CLVS1: variants seen among roughly 807,000 people sequenced by gnomAD.
The protein encoded by CLVS1 is clavesin-1.
A neutral mutation model predicts 33.1 loss-of-function variants in CLVS1; 10 were observed. That is an observed-to-expected ratio of 0.30 (90% CI 0.19 to 0.51). The LOEUF (loss-of-function observed/expected upper bound fraction) is 0.51, where lower values mean the gene tolerates loss of function less well. CLVS1 is among the 20% of genes least tolerant of loss of function. The pLI, the probability that CLVS1 is intolerant of heterozygous loss-of-function variation, is 0.97. For missense variants in CLVS1, 343 were observed against 433.4 expected (o/e 0.79, Z 1.85); for synonymous variants, 163 against 166.1 (o/e 0.98, Z 0.14).
At chr8:61,279,162 C>G (rs1376162566) in intron 2 of CLVS1, among the ~76,000 whole-genome samples, 1 of 152,152 alleles carries the variant, frequency 6.6e-6, no homozygotes, top group Non-Finnish European at 1.5e-5. Context: ...TATCCCTGCC[C>G]CAGCTTTCCT....
chr8:61,287,933 A>G (rs763684409), upstream of CLVS1: 1 of 363,934 alleles, frequency 2.7e-6, no homozygotes, highest in Non-Finnish European at 5.4e-6. Flanking sequence ...GGGGAAAGCT[A>G]GGCTCCGTAT....
chr8:61,309,196 T>C (rs186390993), intron 2 of CLVS1, among the ~76,000 whole-genome samples: 78 of 152,164 alleles, frequency 5.1e-4, no homozygotes, highest in Middle Eastern at 3.4e-3. Flanking sequence ...TCGATGTGAG[T>C]GGGAAGAAAG....
intron 1 of CLVS1, among the ~76,000 whole-genome samples, chr8:61,064,359 T>A (rs987526624): frequency 1.3e-5 from 2 of 152,178 alleles, no homozygotes; most frequent in African/African-American, 4.8e-5. Context: ...GGATTCCAAT[T>A]TCTTCACAAC....
At chr8:61,065,134 C>T (rs1804652425) in intron 1 of CLVS1, among the ~76,000 whole-genome samples, 1 of 152,204 alleles carries the variant, frequency 6.6e-6, no homozygotes, top group African/African-American at 2.4e-5. Flanking sequence ...TACTAAAATC[C>T]ACAGATGCTC....
At chr8:61,091,183 A>AG (rs1471522103) in intron 1 of CLVS1, among the ~76,000 whole-genome samples, 2 of 152,204 alleles carry the variant, frequency 1.3e-5, no homozygotes, top group African/African-American at 4.8e-5. Context: ...ACAGAGGAGA[A>AG]GGCCATGCAA....
chr8:61,329,104 C>T (rs557251371), intron 2 of CLVS1, among the ~76,000 whole-genome samples: 122 of 152,100 alleles, frequency 8.0e-4, no homozygotes, highest in African/African-American at 2.8e-3. Context: ...AATCTTCTTT[C>T]TTTTAATTTA....
At chr8:61,356,785 G>T (rs1434639767) in intron 2 of CLVS1, among the ~76,000 whole-genome samples, 1 of 152,058 alleles carries the variant, frequency 6.6e-6, no homozygotes, top group African/African-American at 2.4e-5. Flanking sequence ...TCTCTGTTTT[G>T]GTACCAGTAC....
At chr8:61,170,899 A>C (rs1200199373) in intron 2 of CLVS1, among the ~76,000 whole-genome samples, 2 of 152,212 alleles carry the variant, frequency 1.3e-5, no homozygotes, top group Non-Finnish European at 2.9e-5. Flanking sequence ...CAGAAAATAC[A>C]GTGTTTTTGA....
At chr8:61,059,471 C>CATATATATATATATATATATATATAT (rs1292747857) in intron 1 of CLVS1, among the ~76,000 whole-genome samples, 1 of 22,978 alleles carries the variant, frequency 4.4e-5, no homozygotes, top group African/African-American at 1.6e-4. Flanking sequence ...TACATACATA[C>CATATATATATATATATATATATATAT]ATACATATAT....
At chr8:61,092,518 A>G (rs1585604548) in intron 1 of CLVS1, among the ~76,000 whole-genome samples, 1 of 152,204 alleles carries the variant, frequency 6.6e-6, no homozygotes, top group African/African-American at 2.4e-5. Flanking sequence ...CCTGGGCTAA[A>G]ATCTAGGTGT....
chr8:61,286,499 A>T (rs963439883), upstream of CLVS1, among the ~76,000 whole-genome samples: 5 of 152,208 alleles, frequency 3.3e-5, no homozygotes, highest in Non-Finnish European at 7.3e-5. Context: ...TTATTGCTAC[A>T]TCATTTCCAG....
rs544652519 is a variant in CLVS1 at position 61,163,902 on chromosome 8, G to C, written c.-152+32042G>C. 2.0e-3 allele frequency among the ~76,000 whole-genome samples: 302 copies of C among 152,286 alleles called. 1 individual carries two copies. Among genetic ancestry groups the C allele is most frequent in the African/African-American group, 6.8e-3 (282 of 41,568 alleles). ...CGGCAAACAGCTGAGCAAAAGCTCA[G>C]CTCAAGCTGGAACAAACACGGACCA... is the stretch of plus-strand genomic sequence containing the variant. On this transcript the variant is annotated intron_variant, in intron 2 of 2. Transcript: ENST00000522621.
At chr8:61,437,499 A>G (rs1816375475) in intron 3 of CLVS1, among the ~76,000 whole-genome samples, 1 of 152,214 alleles carries the variant, frequency 6.6e-6, no homozygotes, top group Non-Finnish European at 1.5e-5. Flanking sequence ...AGGGGAGGAA[A>G]TGTATGCAAA....
At chr8:61,494,283 T>C (rs1056447385) in intron 5 of CLVS1, among the ~76,000 whole-genome samples, 2 of 151,570 alleles carry the variant, frequency 1.3e-5, no homozygotes, top group African/African-American at 4.9e-5. Context: ...GATGGTGAAG[T>C]AAGGGAGGGT....
rs750795149 is a variant in CLVS1 at position 61,299,878 on chromosome 8, C to T, written c.51C>T (p.Asn17=). 2.0e-5 allele frequency: 33 copies of T among 1,613,452 alleles called. No homozygotes were observed. The highest frequency in any genetic ancestry group is 1.7e-4 in the Middle Eastern group (1 of 6,038). Reference sequence around the variant, plus strand: ...AATATCAGAAGTTAAACACTTGGAACGGAGATTTGGCCAAGATGACCCATT... The same window carrying T: ...AATATCAGAAGTTAAACACTTGGAATGGAGATTTGGCCAAGATGACCCATT... ...LPKYQKLNTW[N]GDLAKMTHLQ... The change falls in exon 2 of 6, where the codon AAC becomes AAT. Residue 17 remains asparagine (N), a synonymous_variant. Coordinates refer to ENST00000325897, the MANE Select transcript of CLVS1 (RefSeq NM_173519.3).
intron 2 of CLVS1, among the ~76,000 whole-genome samples, chr8:61,226,776 T>C (rs537899167): frequency 6.6e-6 from 1 of 152,276 alleles, no homozygotes; most frequent in Admixed American, 6.5e-5. Context: ...GGGGGAAAGA[T>C]AACTGGTTGC....
chr8:61,016,987 G>A, the CLVS1 span, among the ~76,000 whole-genome samples: 19 of 152,226 alleles, frequency 1.2e-4, no homozygotes, highest in Non-Finnish European at 2.8e-4. Context: ...TGTGGTGGGA[G>A]CGGCTGAGCA....
At chr8:61,329,703 T>C (rs1811521605) in intron 2 of CLVS1, among the ~76,000 whole-genome samples, 1 of 152,250 alleles carries the variant, frequency 6.6e-6, no homozygotes, top group Non-Finnish European at 1.5e-5. Flanking sequence ...ATATTTGTCA[T>C]TTATATTATG....
At chr8:61,171,089 G>A (rs1806986973) in intron 2 of CLVS1, among the ~76,000 whole-genome samples, 1 of 152,014 alleles carries the variant, frequency 6.6e-6, no homozygotes, top group South Asian at 2.1e-4. Context: ...GGCCAGGAAT[G>A]AGTTTCGCAG....
Sources: gnomAD v4.1 joint callset for allele counts (sites outside exome capture counted in the v4.1 genomes callset) on GRCh38, gnomAD v4.1.1 for gene constraint, MANE v1.5 for transcripts, NCBI Gene and HGNC (gene_info 2026-07-23, HGNC 2026-07-21) for gene names.